ERC1: variants seen among roughly 807,000 people sequenced by gnomAD.
The protein encoded by ERC1 is RAB6 interacting protein 2.
In ERC1, 56 loss-of-function variants were observed where a neutral mutation model predicts 132.0. The ratio of observed to expected loss-of-function variants is 0.42; its 90% confidence interval spans 0.34 to 0.53. ERC1 has a LOEUF of 0.53. Among genes scored for constraint, ERC1 ranks in the 20% least tolerant of loss-of-function variants. The pLI, the probability that ERC1 is intolerant of heterozygous loss-of-function variation, is 0.03. For missense variants in ERC1, 1,202 were observed against 1,349.9 expected (o/e 0.89, Z 1.72); for synonymous variants, 478 against 476.1 (o/e 1.00, Z -0.05).
intron 1 of ERC1, among the ~76,000 whole-genome samples, chr12:1,025,672 C>T (rs2154148159): frequency 6.6e-6 from 1 of 152,028 alleles, no homozygotes; most frequent in Admixed American, 6.6e-5. Context: ...CGTTATGTTT[C>T]TCAAAGAGCA....
chr12:1,351,284 G>A (rs2084970631), intron 15 of ERC1, among the ~76,000 whole-genome samples: 1 of 152,202 alleles, frequency 6.6e-6, no homozygotes, highest in Non-Finnish European at 1.5e-5. Context: ...TCTATAAAGT[G>A]TTGCCCATGT....
intron 2 of ERC1, among the ~76,000 whole-genome samples, chr12:1,050,501 G>A (rs574354190): frequency 2.6e-5 from 4 of 152,228 alleles, no homozygotes; most frequent in Admixed American, 2.6e-4. Flanking sequence ...AAAGTTTCTG[G>A]TTTAGGACTG....
chr12:1,040,758 C>T (rs908231530), intron 2 of ERC1, among the ~76,000 whole-genome samples: 11 of 152,066 alleles, frequency 7.2e-5, no homozygotes, highest in African/African-American at 2.7e-4. Flanking sequence ...CTTCCTAATA[C>T]TGGATTGCAG....
intron 2 of ERC1, among the ~76,000 whole-genome samples, chr12:1,034,169 A>G (rs1167281036): frequency 2.0e-5 from 3 of 152,184 alleles, no homozygotes; most frequent in Non-Finnish European, 4.4e-5. Context: ...ATGTATTTAG[A>G]TAATTATCAT....
intron 15 of ERC1, among the ~76,000 whole-genome samples, chr12:1,318,081 C>T (rs2081890845): frequency 6.6e-6 from 1 of 152,154 alleles, no homozygotes; most frequent in South Asian, 2.1e-4. Context: ...TATGAGCTTT[C>T]AAGTTAGAAC....
At position 1,104,733 on chromosome 12, in the gene ERC1, C is replaced by G; in HGVS notation, c.1087-17C>G. Reference sequence around the variant, plus strand: ...GAACAGGAGAGCACTGAATCTCTTTCTGCCTCTTTTCTACAGGAGATGCAT... The same window carrying G: ...GAACAGGAGAGCACTGAATCTCTTTGTGCCTCTTTTCTACAGGAGATGCAT... On this transcript the variant is annotated splice_polypyrimidine_tract_variant and intron_variant, in intron 3 of 18. Coordinates refer to ENST00000360905, the MANE Select transcript of ERC1 (RefSeq NM_178040.4). 6.3e-7 allele frequency: 1 copy of G among 1,596,570 alleles called. No individual in the cohort carries two copies. Among genetic ancestry groups the G allele is most frequent in the South Asian group, 1.1e-5 (1 of 90,716 alleles).
chr12:1,440,106 C>G (rs2093061028), intron 17 of ERC1, among the ~76,000 whole-genome samples: 1 of 151,944 alleles, frequency 6.6e-6, no homozygotes, highest in Admixed American at 6.6e-5. Flanking sequence ...AGTAATCCAT[C>G]ACTTCAAACA....
At chr12:1,058,789 G>GT (rs33992098) in intron 2 of ERC1, among the ~76,000 whole-genome samples, 13,633 of 129,738 alleles carry the variant, frequency 0.11, 1,143 homozygotes, top group African/African-American at 0.21. Context: ...TGGAAAGTAT[G>GT]TTTTTTTTTT....
At position 1,438,329 on chromosome 12, in the gene ERC1, C is replaced by T. The variant is rs138366157; in HGVS notation, c.3025-6233C>T. On this transcript the variant is annotated intron_variant, in intron 17 of 18. Coordinates refer to ENST00000360905, the MANE Select transcript of ERC1 (RefSeq NM_178040.4). ...TCAGAGTTTAGCTCTCCGCTGGGGC[C>T]TCTGGATAAGAATGCCATTCTAAGA... Among the ~76,000 whole-genome samples, 1,374 of 152,272 alleles carry T rather than the reference C, an allele frequency of 9.0e-3. 19 individuals are homozygous for T. Among genetic ancestry groups the T allele is most frequent in the African/African-American group, 0.032 (1,331 of 41,552 alleles).
chr12:1,194,714 T>C (rs1355685357), intron 12 of ERC1, among the ~76,000 whole-genome samples: 6 of 152,156 alleles, frequency 3.9e-5, no homozygotes, highest in Admixed American at 1.3e-4. Flanking sequence ...TAGTATGAGA[T>C]TGTTAGATTC....
At position 1,279,800 on chromosome 12, in the gene ERC1, A is replaced by G. The variant is rs182854493; in HGVS notation, c.2620-10052A>G. ...AACCTCCGCGTCCCGGGTTCAAGCA[A>G]TTCTTCTGCCTCAGCTTCCCAAGTA... On this transcript the variant is annotated intron_variant, in intron 14 of 18. Coordinates refer to ENST00000360905, the MANE Select transcript of ERC1 (RefSeq NM_178040.4). Among the ~76,000 whole-genome samples the G allele has an allele frequency of 2.4e-3, 368 of 152,124 alleles. 1 individual carries two copies. Among genetic ancestry groups the G allele is most frequent in the African/African-American group, 8.4e-3 (350 of 41,478 alleles).
intron 3 of ERC1, among the ~76,000 whole-genome samples, chr12:1,084,734 C>T (rs1223309250): frequency 6.6e-6 from 1 of 151,824 alleles, no homozygotes; most frequent in Non-Finnish European, 1.5e-5. Flanking sequence ...CTCTGTCACT[C>T]AGGCTGGAGT....
chr12:1,345,298 A>G (rs1002502349), intron 15 of ERC1, among the ~76,000 whole-genome samples: 3 of 150,568 alleles, frequency 2.0e-5, no homozygotes, highest in Non-Finnish European at 4.4e-5. Context: ...CTCCTGCCTC[A>G]GCCTCCCGAG....
At chr12:1,413,360 G>A (rs1208303294) in intron 17 of ERC1, among the ~76,000 whole-genome samples, 3 of 152,086 alleles carry the variant, frequency 2.0e-5, no homozygotes, top group South Asian at 2.1e-4. Flanking sequence ...TTGGGAGGCC[G>A]AGGCAGGCAG....
chr12:1,284,512 C>A (rs1282930206), intron 14 of ERC1, among the ~76,000 whole-genome samples: 1 of 152,094 alleles, frequency 6.6e-6, no homozygotes, highest in Non-Finnish European at 1.5e-5. Context: ...AAGGAAACAC[C>A]ATACTATTTT....
At chr12:1,072,339 A>AT (rs1940542344) in intron 2 of ERC1, among the ~76,000 whole-genome samples, 1 of 152,216 alleles carries the variant, frequency 6.6e-6, no homozygotes, top group East Asian at 1.9e-4. Context: ...ATGAAGGAAA[A>AT]TTTATGAAGG....
At chr12:1,377,200 T>G (rs1323665613) in intron 16 of ERC1, among the ~76,000 whole-genome samples, 1 of 152,210 alleles carries the variant, frequency 6.6e-6, no homozygotes, top group African/African-American at 2.4e-5. Flanking sequence ...ATATTTTGAG[T>G]AACTGTCTTT....
chr12:1,056,367 A>G (rs1429917726), intron 2 of ERC1, among the ~76,000 whole-genome samples: 2 of 151,590 alleles, frequency 1.3e-5, no homozygotes, highest in African/African-American at 4.9e-5. Context: ...ACGCAGACAC[A>G]CAAAGAGTGA....
At chr12:1,272,432 T>C (rs1351017201) in intron 14 of ERC1, among the ~76,000 whole-genome samples, 2 of 152,214 alleles carry the variant, frequency 1.3e-5, no homozygotes, top group African/African-American at 4.8e-5. Context: ...CAAGTGTTAA[T>C]ACTGTGACTC....
Sources: allele counts gnomAD v4.1 joint callset (sites outside exome capture counted in the v4.1 genomes callset), GRCh38; gene constraint gnomAD v4.1.1; transcripts MANE v1.5; gene names NCBI Gene and HGNC (gene_info 2026-07-23, HGNC 2026-07-21).